SNRPG: variants seen among roughly 807,000 people sequenced by gnomAD.
SNRPG encodes small nuclear ribonucleoprotein polypeptide G.
Under a neutral mutation model 13.9 loss-of-function variants are expected in SNRPG, and 3 were observed. The ratio of observed to expected loss-of-function variants is 0.22; its 90% CI spans 0.10 to 0.56. The LOEUF is 0.56. Ranked by LOEUF, SNRPG falls within the 20% of genes least tolerant of loss-of-function variation. The pLI is 0.93. For missense variants in SNRPG, 34 were observed against 96.1 expected, an observed-to-expected ratio of 0.35 and a Z score of 2.70; for synonymous variants, 29 against 29.3, an observed-to-expected ratio of 0.99 and a Z score of 0.03.
chr2:70,293,553 G>T (rs866948523), intron 1 of SNRPG, 65 bp downstream of exon 1: 1 of 1,339,138 alleles, frequency 7.5e-7, no homozygotes, highest in Non-Finnish European at 1.1e-6. Flanking sequence ...TAACGGAGAG[G>T]GAACCAAGGG....
At chr2:70,288,266 GA>G in intron 2 of SNRPG, 74 bp from the exon 3 acceptor site, 1 of 1,286,938 alleles carries the variant, frequency 7.8e-7, no homozygotes, top group Non-Finnish European at 1.1e-6. Flanking sequence ...AATCAGGTGG[GA>G]TAAAACACAA....
chr2:70,284,418 C>G (rs1457910816), intron 3 of SNRPG, among the ~76,000 whole-genome samples: 3 of 152,134 alleles, frequency 2.0e-5, no homozygotes, highest in African/African-American at 4.8e-5. Flanking sequence ...GGGTCTTGCT[C>G]TGTCACCCAA....
chr2:70,288,306 C>T (rs892586244), intron 2 of SNRPG, 114 bp from the exon 3 acceptor site: 2 of 801,582 alleles, frequency 2.5e-6, no homozygotes, highest in African/African-American at 1.7e-5. Flanking sequence ...ACCCACTATC[C>T]TTACTGTATG....
At chr2:70,284,315 C>T (rs1057002345) in intron 3 of SNRPG, among the ~76,000 whole-genome samples, 37 of 152,116 alleles carry the variant, frequency 2.4e-4, no homozygotes, top group African/African-American at 8.5e-4. Flanking sequence ...TATAGGCGCA[C>T]ATCACCATGC....
intron 3 of SNRPG, among the ~76,000 whole-genome samples, chr2:70,286,181 G>A (rs1294406021): frequency 6.6e-6 from 1 of 152,138 alleles, no homozygotes; most frequent in Non-Finnish European, 1.5e-5. Context: ...TCCTGCTTCA[G>A]CCTCTCGAAG....
At chr2:70,291,486 T>C (rs1008626251) in intron 1 of SNRPG, among the ~76,000 whole-genome samples, 4 of 152,318 alleles carry the variant, frequency 2.6e-5, no homozygotes, top group African/African-American at 9.6e-5. Flanking sequence ...TTTTGTATTG[T>C]TGGGGGCAGT....
chr2:70,292,203 C>T (rs1179381040), intron 1 of SNRPG, among the ~76,000 whole-genome samples: 3 of 152,130 alleles, frequency 2.0e-5, no homozygotes, highest in Non-Finnish European at 4.4e-5. Context: ...GCCTCGGCCT[C>T]CCAAAGTGCT....
intron 3 of SNRPG, among the ~76,000 whole-genome samples, chr2:70,285,068 AAGTAACCCTTTTTTTAACTTAAT>A: frequency 6.6e-6 from 1 of 152,204 alleles, no homozygotes; most frequent in East Asian, 1.9e-4. Flanking sequence ...ACTTGTGTTC[AAGTAACCCTTTTTTTAACTTAAT>A]ACTAGCCTGA....
chr2:70,293,084 A>G (rs1697143838), intron 1 of SNRPG: 1 of 702,222 alleles, frequency 1.4e-6, no homozygotes, highest in Admixed American at 2.0e-5. Flanking sequence ...AACACATGAC[A>G]TTCAAGCTTA....
At chr2:70,287,209 G>A in intron 3 of SNRPG, 3 of 666,254 alleles carry the variant, frequency 4.5e-6, no homozygotes, top group South Asian at 3.3e-5. Flanking sequence ...CAACTTTACT[G>A]CTCAAACTTA....
chr2:70,287,920 G>A, intron 3 of SNRPG, 148 bp downstream of exon 3: 2 of 633,924 alleles, frequency 3.2e-6, no homozygotes, highest in Non-Finnish European at 5.3e-6. Flanking sequence ...TACTACAGCT[G>A]AGTAACTGCC....
chr2:70,282,803 G>T (rs1424063277), intron 3 of SNRPG, among the ~76,000 whole-genome samples: 1 of 152,128 alleles, frequency 6.6e-6, no homozygotes, highest in African/African-American at 2.4e-5. Flanking sequence ...ATGAAGATAA[G>T]AATATTTATC....
intron 1 of SNRPG, chr2:70,293,401 A>T: frequency 1.6e-6 from 1 of 634,660 alleles, no homozygotes; most frequent in Non-Finnish European, 2.9e-6. Context: ...GGCCGGAAGG[A>T]GGTGCCGTGG....
At chr2:70,292,812 C>T (rs1315423769) in intron 1 of SNRPG, 2 of 271,106 alleles carry the variant, frequency 7.4e-6, no homozygotes, top group Non-Finnish European at 1.4e-5. Context: ...TGTAGAATTC[C>T]AGCATCAGGA....
At chr2:70,281,833 A>G (rs763286625) in intron 3 of SNRPG, 149 bp from the exon 4 acceptor site, 6 of 556,354 alleles carry the variant, frequency 1.1e-5, no homozygotes, top group Non-Finnish European at 1.6e-5. Flanking sequence ...GACACCAAAC[A>G]ACTCTAAGCC....
At position 70,282,751 on chromosome 2, in the gene SNRPG, G is replaced by A. The variant is rs72904347; in HGVS notation, c.181-1067C>T. Among the ~76,000 whole-genome samples the A allele has an allele frequency of 6.5e-3, 984 of 152,208 alleles. 12 individuals carry two copies. The highest frequency in any genetic ancestry group is 0.023 in the African/African-American group (939 of 41,556). ...GCAGAAAGAGAAGTTATAAAAAAAA[G>A]GCCCTAGGAGAACAGTGCTTGACCT... On this transcript the variant is annotated intron_variant, in intron 3 of 3. Transcript: ENST00000272348.
At chr2:70,283,702 A>G (rs1336400151) in intron 3 of SNRPG, among the ~76,000 whole-genome samples, 1 of 152,206 alleles carries the variant, frequency 6.6e-6, no homozygotes, top group Admixed American at 6.5e-5. Context: ...TGGTAGGATA[A>G]GTGTCTTGGA....
intron 1 of SNRPG, among the ~76,000 whole-genome samples, chr2:70,292,212 C>T (rs1697118840): frequency 6.6e-6 from 1 of 152,246 alleles, no homozygotes; most frequent in South Asian, 2.1e-4. Context: ...TCCCAAAGTG[C>T]TGGGATTACA....
chr2:70,288,351 C>T (rs1284284721), intron 2 of SNRPG, among the ~76,000 whole-genome samples, 159 bp from the exon 3 acceptor site: 1 of 152,172 alleles, frequency 6.6e-6, no homozygotes, highest in Non-Finnish European at 1.5e-5. Context: ...GTATTTACTT[C>T]CACATTTTAA....
Sources: gnomAD v4.1 joint callset for allele counts (sites outside exome capture counted in the v4.1 genomes callset) on GRCh38, gnomAD v4.1.1 for gene constraint, MANE v1.5 for transcripts, NCBI Gene and HGNC (gene_info 2026-07-23, HGNC 2026-07-21) for gene names.